RTN1: variants seen among roughly 807,000 people sequenced by gnomAD.
RTN1 encodes reticulon-1.
A neutral mutation model predicts 65.5 loss-of-function variants in RTN1; 25 were observed. The observed-to-expected ratio is 0.38, with a 90% confidence interval of 0.28 to 0.53. The LOEUF is 0.53. Among genes scored for constraint, RTN1 ranks in the 20% least tolerant of loss-of-function variants. The probability of loss-of-function intolerance (pLI) is 0.79; values close to 1 mark genes in which losing one functional copy is unlikely to be tolerated. For missense variants in RTN1, 983 were observed against 1,025.4 expected, an observed-to-expected ratio of 0.96 and a Z score of 0.57; for synonymous variants, 471 against 447.6, an observed-to-expected ratio of 1.05 and a Z score of -0.66.
chr14:59,697,389 A>G (rs1884084867), intron 3 of RTN1, among the ~76,000 whole-genome samples: 1 of 152,198 alleles, frequency 6.6e-6, no homozygotes, highest in African/African-American at 2.4e-5. Flanking sequence ...TGAACTAAGT[A>G]CAGTCCATTA....
At chr14:59,636,258 C>T (rs534277135) in intron 3 of RTN1, among the ~76,000 whole-genome samples, 7 of 152,200 alleles carry the variant, frequency 4.6e-5, no homozygotes, top group African/African-American at 1.7e-4. Flanking sequence ...GAGGTGGATC[C>T]CTCATGGTTT....
At position 59,829,778 on chromosome 14, in the gene RTN1, T is replaced by C. The variant is rs1245854753; in HGVS notation, c.241+40612A>G. Among the ~76,000 whole-genome samples, 2 of 152,058 alleles carry C rather than the reference T, an allele frequency of 1.3e-5. No individual in the cohort carries two copies. The highest frequency in any genetic ancestry group is 2.9e-5 in the Non-Finnish European group (2 of 68,026). On this transcript the variant is annotated intron_variant, in intron 1 of 8. Coordinates refer to ENST00000267484, the MANE Select transcript of RTN1 (RefSeq NM_021136.3). This position sits in a 1 kb window ranked among gnomAD's most constrained non-coding sequence, Gnocchi z 4.3. ...AGCACATACTCACTCTTAAAACTTT[T>C]ACCCTGAAGAGGCACACAACATTTC...
At chr14:59,782,495 C>T (rs557425632) in intron 1 of RTN1, among the ~76,000 whole-genome samples, 1 of 152,282 alleles carries the variant, frequency 6.6e-6, no homozygotes, top group East Asian at 1.9e-4. Context: ...CACTTTTCCC[C>T]TGGGTTGACA....
intron 3 of RTN1, among the ~76,000 whole-genome samples, chr14:59,661,259 CAAAAAAAAAA>C (rs768483248): frequency 2.4e-5 from 2 of 83,382 alleles, no homozygotes; most frequent in Admixed American, 1.7e-4. Flanking sequence ...GCCTACCAAC[CAAAAAAAAAA>C]AAAAAAAAAA....
At chr14:59,624,664 G>A (rs2140179517) in intron 3 of RTN1, among the ~76,000 whole-genome samples, 1 of 152,184 alleles carries the variant, frequency 6.6e-6, no homozygotes, top group South Asian at 2.1e-4. Flanking sequence ...GTTTCACTGT[G>A]TTGCCCAGGC....
chr14:59,722,366 C>T (rs1253111356), intron 3 of RTN1, among the ~76,000 whole-genome samples: 1 of 152,072 alleles, frequency 6.6e-6, no homozygotes, highest in African/African-American at 2.4e-5. Flanking sequence ...TAAAGCAGTG[C>T]CTGAAAACCT....
intron 3 of RTN1, among the ~76,000 whole-genome samples, chr14:59,724,381 T>C (rs571160349): frequency 2.0e-4 from 31 of 152,336 alleles, no homozygotes; most frequent in Non-Finnish European, 3.8e-4. Context: ...TAGGCACTTC[T>C]GAAACTCTGT....
intron 3 of RTN1, among the ~76,000 whole-genome samples, chr14:59,665,468 T>C (rs937148404): frequency 6.6e-6 from 1 of 152,084 alleles, no homozygotes; most frequent in African/African-American, 2.4e-5. Context: ...AAACAACCGG[T>C]ACCAGCCACT....
At chr14:59,603,821 G>T (rs1881656822) in intron 6 of RTN1, 31 bp downstream of exon 6, 1 of 1,566,414 alleles carries the variant, frequency 6.4e-7, no homozygotes, top group Non-Finnish European at 8.8e-7. Flanking sequence ...AGGGGGTGAA[G>T]GAAGACGTAT....
chr14:59,769,041 G>A (rs1885903626), intron 1 of RTN1, among the ~76,000 whole-genome samples: 1 of 152,138 alleles, frequency 6.6e-6, no homozygotes, highest in Non-Finnish European at 1.5e-5. Context: ...AGTAGGATGA[G>A]TTAGTCATCC....
At chr14:59,728,172 G>A (rs981115145) in intron 2 of RTN1, among the ~76,000 whole-genome samples, 7 of 150,746 alleles carry the variant, frequency 4.6e-5, no homozygotes, top group African/African-American at 1.7e-4. Flanking sequence ...CTCTCCTTTA[G>A]CAAGACAAAG....
At chr14:59,856,304 A>C (rs1041634125) in intron 1 of RTN1, among the ~76,000 whole-genome samples, 1 of 152,216 alleles carries the variant, frequency 6.6e-6, no homozygotes, top group Non-Finnish European at 1.5e-5. Flanking sequence ...CTGAGTTATA[A>C]GACTAGCCTG....
At chr14:59,597,313 T>C (rs1223857677) in intron 8 of RTN1, among the ~76,000 whole-genome samples, 6 of 152,248 alleles carry the variant, frequency 3.9e-5, no homozygotes, top group Non-Finnish European at 8.8e-5. Context: ...ATTCTATTAA[T>C]TAGCTGTGTG....
intron 3 of RTN1, among the ~76,000 whole-genome samples, chr14:59,688,298 G>C (rs942868962): frequency 2.0e-5 from 3 of 152,166 alleles, no homozygotes; most frequent in Admixed American, 1.3e-4. Flanking sequence ...AGGAGTTTCA[G>C]CCACTCCCCA....
Position 59,790,565 on chromosome 14 carries a change from G to A in RTN1, c.242-44084C>T, listed in dbSNP as rs2139587457. Among the ~76,000 whole-genome samples the A allele has an allele frequency of 6.6e-6, 1 of 152,190 alleles. No homozygotes were observed. The highest frequency in any genetic ancestry group is 1.9e-4 in the East Asian group (1 of 5,184). ...GGATTTGGTTTTGTGTGTGAAAGATGCCTGAAGAATTCATTCTCTGGCGTC... is the reference window on the plus strand; with the variant it reads ...GGATTTGGTTTTGTGTGTGAAAGATACCTGAAGAATTCATTCTCTGGCGTC... On this transcript the variant is annotated intron_variant, in intron 1 of 8. Coordinates refer to ENST00000267484, the MANE Select transcript of RTN1 (RefSeq NM_021136.3). The surrounding 1 kb of genome is among the most constrained non-coding windows in gnomAD (Gnocchi z 4.1).
At chr14:59,749,108 A>C (rs148389057) in intron 1 of RTN1, among the ~76,000 whole-genome samples, 3,041 of 55,780 alleles carry the variant, frequency 0.055, 138 homozygotes, top group Middle Eastern at 0.11. Flanking sequence ...ATATCTATAT[A>C]TATATATATA....
chr14:59,664,645 A>C (rs1012637622), intron 3 of RTN1, among the ~76,000 whole-genome samples: 1 of 152,120 alleles, frequency 6.6e-6, no homozygotes, highest in Admixed American at 6.5e-5. Flanking sequence ...GTATCATATG[A>C]TGTTTTGACA....
intron 1 of RTN1, among the ~76,000 whole-genome samples, chr14:59,853,324 T>C (rs1887543372): frequency 6.6e-6 from 1 of 152,204 alleles, no homozygotes; most frequent in East Asian, 1.9e-4. Context: ...GTCTAGGCTA[T>C]TTTCATAGCT....
chr14:59,715,038 T>C (rs1053214173), intron 3 of RTN1, among the ~76,000 whole-genome samples: 2 of 152,208 alleles, frequency 1.3e-5, no homozygotes, highest in African/African-American at 4.8e-5. Context: ...AGTTTCATCC[T>C]GAAACCATCC....
Sources: gnomAD v4.1 joint callset for allele counts (sites outside exome capture counted in the v4.1 genomes callset) on GRCh38, gnomAD v4.1.1 for gene constraint, Gnocchi (gnomAD v3.1) non-coding constraint, MANE v1.5 for transcripts, NCBI Gene and HGNC (gene_info 2026-07-23, HGNC 2026-07-21) for gene names.